TFCP2: variants seen among roughly 807,000 people sequenced by gnomAD.
TFCP2 encodes the protein alpha-globin transcription factor CP2.
TFCP2 carries 33 observed loss-of-function variants against 73.4 expected under a neutral mutation model. The observed-to-expected ratio is 0.45, with a 90% CI of 0.34 to 0.60. The LOEUF (loss-of-function observed/expected upper bound fraction) is 0.60. Ranked by LOEUF, TFCP2 falls within the 20% of genes least tolerant of loss-of-function variation. The pLI is 0.01. For missense variants in TFCP2, 352 were observed against 604.0 expected, an observed-to-expected ratio of 0.58 and a Z score of 4.37; for synonymous variants, 193 against 211.6, an observed-to-expected ratio of 0.91 and a Z score of 0.76.
intron 1 of TFCP2, among the ~76,000 whole-genome samples, chr12:51,140,190 C>T (rs1941155544): frequency 6.6e-6 from 1 of 152,150 alleles, no homozygotes; most frequent in African/African-American, 2.4e-5. Context: ...TGCACTCTAA[C>T]ACTTATGCAT....
At chr12:51,136,664 T>A (rs2640512) in intron 1 of TFCP2, among the ~76,000 whole-genome samples, 138,661 of 152,214 alleles carry the variant, frequency 0.91, 63,566 homozygotes, top group Non-Finnish European at 0.97. Context: ...GGCTGGGCAC[T>A]GTGGTTCACG....
chr12:51,098,322 T>C (rs1940017356), intron 13 of TFCP2, among the ~76,000 whole-genome samples: 1 of 152,100 alleles, frequency 6.6e-6, no homozygotes, highest in South Asian at 2.1e-4. Flanking sequence ...CATGGGAATA[T>C]GTGGTTTTTA....
intron 1 of TFCP2, among the ~76,000 whole-genome samples, chr12:51,141,850 G>A (rs546436439): frequency 5.4e-4 from 80 of 149,110 alleles, no homozygotes; most frequent in African/African-American, 1.9e-3. Flanking sequence ...AGGTTGCAGT[G>A]AGCCGAGATG....
At chr12:51,141,484 A>G (rs1025037455) in intron 1 of TFCP2, among the ~76,000 whole-genome samples, 9 of 152,002 alleles carry the variant, frequency 5.9e-5, no homozygotes, top group African/African-American at 2.2e-4. Context: ...TGCAAGCTCT[A>G]CTCTTGCAAG....
At position 51,172,589 on chromosome 12, in the gene TFCP2, AAT is replaced by A. The variant is rs1941885072; in HGVS notation, c.-169_-168del. On this transcript the variant is annotated 5_prime_UTR_variant, in exon 1 of 15. Transcript: ENST00000257915. Reference sequence around the variant, plus strand: ...GACCAGCACTGCTCTGTGCACAACTAATCTCCCGTACCCTTGGCTGCTCGTTC... The same window carrying A: ...GACCAGCACTGCTCTGTGCACAACTACTCCCGTACCCTTGGCTGCTCGTTC... 1.2e-6 allele frequency: 1 copy of A among 820,940 alleles called. No homozygotes were observed. Among genetic ancestry groups the A allele is most frequent in the Middle Eastern group, 3.8e-4 (1 of 2,640 alleles). The allele number at this position is 820,940 out of a possible 1,614,324, so 50.9% of individuals were successfully genotyped here.
Position 51,098,623 on chromosome 12 carries a change from C to CA in TFCP2, c.1419+152dup, listed in dbSNP as rs879888279. Among the ~76,000 whole-genome samples the CA allele has an allele frequency of 8.4e-4, 108 of 128,658 alleles. 1 individual carries two copies. The highest frequency in any genetic ancestry group is 1.5e-3 in the South Asian group (6 of 4,040). The allele number at this position is 128,658 out of a possible 152,430, so 84.4% of individuals were successfully genotyped here. ...CCTGGGCAACAGAGAGAGACTGTTTCAAAAAAAAAAAAAATTAGGAGGAAA... is the reference window on the plus strand; with the variant it reads ...CCTGGGCAACAGAGAGAGACTGTTTCAAAAAAAAAAAAAAATTAGGAGGAAA... On this transcript the variant is annotated intron_variant, in intron 13 of 14. Coordinates refer to ENST00000257915, the MANE Select transcript of TFCP2 (RefSeq NM_005653.5).
At chr12:51,105,254 T>A (rs1331038840) in intron 8 of TFCP2, among the ~76,000 whole-genome samples, 1 of 151,786 alleles carries the variant, frequency 6.6e-6, no homozygotes, top group African/African-American at 2.4e-5. Flanking sequence ...CCGCCACACC[T>A]GGCTAATTTT....
intron 6 of TFCP2, among the ~76,000 whole-genome samples, 173 bp downstream of exon 6, chr12:51,108,948 G>C (rs1221893306): frequency 6.6e-6 from 1 of 152,072 alleles, no homozygotes; most frequent in Non-Finnish European, 1.5e-5. Context: ...CTACGACCAT[G>C]TAAATTTCTT....
intron 1 of TFCP2, among the ~76,000 whole-genome samples, chr12:51,147,491 G>T (rs1348657040): frequency 6.6e-6 from 1 of 151,246 alleles, no homozygotes; most frequent in Non-Finnish European, 1.5e-5. Context: ...AAACTACTAT[G>T]AACAAGGCAG....
chr12:51,114,398 G>T (rs1940470221), intron 4 of TFCP2, among the ~76,000 whole-genome samples: 1 of 152,116 alleles, frequency 6.6e-6, no homozygotes, highest in Non-Finnish European at 1.5e-5. Context: ...CTGAGGTCAG[G>T]AGTTCAAGAC....
chr12:51,128,488 A>C (rs941639636), intron 1 of TFCP2, among the ~76,000 whole-genome samples: 7 of 151,738 alleles, frequency 4.6e-5, no homozygotes, highest in African/African-American at 4.8e-5. Context: ...TAAAAAAAAA[A>C]AAAACAAAAA....
At chr12:51,161,631 G>A (rs1798614620) in intron 1 of TFCP2, among the ~76,000 whole-genome samples, 1 of 150,798 alleles carries the variant, frequency 6.6e-6, no homozygotes, top group Non-Finnish European at 1.5e-5. Context: ...GGTGAGCCAA[G>A]ATCATGCCAC....
chr12:51,127,890 T>C (rs1456876245), intron 1 of TFCP2, among the ~76,000 whole-genome samples: 1 of 151,724 alleles, frequency 6.6e-6, no homozygotes, highest in Admixed American at 6.6e-5. Flanking sequence ...AAATATCACA[T>C]TAGCTTTGTG....
Position 51,135,527 on chromosome 12 carries a change from A to G in TFCP2, c.123-16755T>C, listed in dbSNP as rs774756950. Among the ~76,000 whole-genome samples the G allele has an allele frequency of 1.8e-4, 28 of 152,306 alleles. No individual in the cohort carries two copies. The Middle Eastern group carries it at 0.01, about 56-fold the overall frequency. Reference sequence around the variant, plus strand: ...TCAAGTCATCTTCTGCTGTATTTGTATATTATATTACTAAATTCAAGTCAG... The same window carrying G: ...TCAAGTCATCTTCTGCTGTATTTGTGTATTATATTACTAAATTCAAGTCAG... On this transcript the variant is annotated intron_variant, in intron 1 of 14. Transcript: ENST00000257915.
chr12:51,141,142 G>A (rs1941184174), intron 1 of TFCP2, among the ~76,000 whole-genome samples: 2 of 150,222 alleles, frequency 1.3e-5, no homozygotes, highest in African/African-American at 4.9e-5. Flanking sequence ...ATCTTGCCTA[G>A]GATGGTCTTG....
At chr12:51,107,577 G>A (rs554253984) in intron 6 of TFCP2, among the ~76,000 whole-genome samples, 1 of 152,066 alleles carries the variant, frequency 6.6e-6, no homozygotes, top group South Asian at 2.1e-4. Flanking sequence ...AAAGCACATA[G>A]TTCACTGAAA....
At chr12:51,161,760 C>CAAAAAAA (rs60679909) in intron 1 of TFCP2, among the ~76,000 whole-genome samples, 14 of 76,214 alleles carry the variant, frequency 1.8e-4, no homozygotes, top group East Asian at 7.7e-4. Context: ...GACTCCATAT[C>CAAAAAAA]AAAAAAAAAA....
chr12:51,143,260 A>G (rs1941227024), intron 1 of TFCP2, among the ~76,000 whole-genome samples: 1 of 151,698 alleles, frequency 6.6e-6, no homozygotes, highest in Non-Finnish European at 1.5e-5. Flanking sequence ...CAGAGATACC[A>G]AATGGACCAA....
intron 1 of TFCP2, among the ~76,000 whole-genome samples, chr12:51,165,602 G>C (rs73305767): frequency 1.3e-5 from 2 of 152,126 alleles, no homozygotes; most frequent in Admixed American, 6.6e-5. Context: ...AGGCTGGAGT[G>C]GGGGGAGATG....
Sources: gnomAD v4.1 joint callset for allele counts (sites outside exome capture counted in the v4.1 genomes callset) on GRCh38, gnomAD v4.1.1 for gene constraint, MANE v1.5 for transcripts, NCBI Gene and HGNC (gene_info 2026-07-23, HGNC 2026-07-21) for gene names.